CSNK1G2: variants seen among roughly 807,000 people sequenced by gnomAD.
CSNK1G2 encodes the protein casein kinase I isoform gamma-2.
Under a neutral mutation model 48.0 loss-of-function variants are expected in CSNK1G2, and 11 were observed. That is an observed-to-expected ratio of 0.23 (90% CI 0.14 to 0.38). The LOEUF (loss-of-function observed/expected upper bound fraction) is 0.38. CSNK1G2 is among the 10% of genes least tolerant of loss of function. The pLI is 1.00. For synonymous variants in CSNK1G2, 337 were observed against 254.1 expected, an observed-to-expected ratio of 1.33 and a Z score of -3.10; for missense variants, 446 against 595.5, an observed-to-expected ratio of 0.75 and a Z score of 2.61.
chr19:1,944,305 T>C (rs1316805394), intron 1 of CSNK1G2, among the ~76,000 whole-genome samples: 1 of 152,042 alleles, frequency 6.6e-6, no homozygotes, highest in Non-Finnish European at 1.5e-5. Flanking sequence ...AGGCCTGCAG[T>C]CTGGAGGCTC....
At chr19:1,948,986 C>T (rs2014669829) in intron 1 of CSNK1G2, among the ~76,000 whole-genome samples, 2 of 152,156 alleles carry the variant, frequency 1.3e-5, no homozygotes, top group African/African-American at 2.4e-5. Flanking sequence ...AGCCTCTGTC[C>T]TCGTCGTGTT....
At position 1,969,583 on chromosome 19, in the gene CSNK1G2, A is replaced by C; in HGVS notation, c.-190A>C. ...TGCCCCCGAGAGCGACCCCGAGGCC[A>C]CTGAGAAGAGCAGCGCGGCCTGGCC... is the stretch of plus-strand genomic sequence containing the variant. On this transcript the variant is annotated 5_prime_UTR_variant, in exon 2 of 12. Coordinates refer to ENST00000255641, the MANE Select transcript of CSNK1G2 (RefSeq NM_001319.7). The C allele has an allele frequency of 9.4e-6, 4 of 426,506 alleles. No individual in the cohort carries two copies. Among genetic ancestry groups the C allele is most frequent in the Non-Finnish European group, 1.6e-5 (4 of 245,736 alleles). The allele number at this position is 426,506 out of a possible 1,614,324, so 26.4% of individuals were successfully genotyped here.
intron 1 of CSNK1G2, among the ~76,000 whole-genome samples, chr19:1,943,583 TG>T (rs34775051): frequency 5.3e-5 from 8 of 151,592 alleles, no homozygotes; most frequent in Non-Finnish European, 1.0e-4. Flanking sequence ...ATTTGGGGAT[TG>T]GGGTAGTCCT....
chr19:1,952,964 G>A (rs746358052), intron 1 of CSNK1G2: 8 of 436,568 alleles, frequency 1.8e-5, no homozygotes, highest in Admixed American at 1.1e-4. Flanking sequence ...GCTCCCACAC[G>A]ATGAGGGGAA....
chr19:1,969,642 C>A lies in CSNK1G2; in HGVS notation c.-131C>A. The stretch of plus-strand genomic sequence containing the variant: ...CGCCTGCGTCTCAGTAGCTGGGAGC[C>A]ACGGGCCCACGCCCGCCCACCGGCC... On this transcript the variant is annotated 5_prime_UTR_variant, in exon 2 of 12. Transcript: ENST00000255641. 1 of 799,004 alleles carries A rather than the reference C, an allele frequency of 1.3e-6. No individual in the cohort carries two copies. The highest frequency in any genetic ancestry group is 1.7e-6 in the Non-Finnish European group (1 of 581,254). 49.5% of individuals were successfully genotyped at this position (799,004 alleles called of 1,614,324 possible).
At chr19:1,950,973 AG>A (rs1250913649) in intron 1 of CSNK1G2, among the ~76,000 whole-genome samples, 1 of 146,116 alleles carries the variant, frequency 6.8e-6, no homozygotes, top group Non-Finnish European at 1.5e-5. Flanking sequence ...CCCAGTTTTC[AG>A]GGGAGACCAT....
At position 1,962,755 on chromosome 19, in the gene CSNK1G2, G is replaced by A. The variant is rs1160821866; in HGVS notation, c.-265-6753G>A. Among the ~76,000 whole-genome samples, 3 of 151,100 alleles carry A rather than the reference G, an allele frequency of 2.0e-5. No individual in the cohort carries two copies. The East Asian group carries it at 5.8e-4, about 29-fold the overall frequency. On this transcript the variant is annotated intron_variant, in intron 1 of 11. Coordinates refer to ENST00000255641, the MANE Select transcript of CSNK1G2 (RefSeq NM_001319.7). The stretch of plus-strand genomic sequence containing the variant: ...AGGTGGAGGACGACTCGGTGCAGCA[G>A]CCACTGTGGAGACGACCTGGTGGCT...
At chr19:1,974,342 G>A (rs1027358224) in intron 2 of CSNK1G2, among the ~76,000 whole-genome samples, 8 of 152,144 alleles carry the variant, frequency 5.3e-5, no homozygotes, top group African/African-American at 1.9e-4. Context: ...GGAGGGGGCT[G>A]GATTCGCCCT....
rs1360001500 is a variant in CSNK1G2, at chr19:1,980,421, G to C, written c.*218G>C. On this transcript the variant is annotated 3_prime_UTR_variant, in exon 12 of 12. Transcript: ENST00000255641. The stretch of plus-strand genomic sequence containing the variant: ...GACTTTGGCCGAAATTTCTACACCT[G>C]TGTCTAGTCCTCCCCTCCAAGAGCA... 6 of 627,408 alleles carry C rather than the reference G, an allele frequency of 9.6e-6. No individual in the cohort carries two copies. Among genetic ancestry groups the C allele is most frequent in the Non-Finnish European group, 1.7e-5 (6 of 352,300 alleles). The allele number at this position is 627,408 out of a possible 1,614,324, so 38.9% of individuals were successfully genotyped here.
chr19:1,967,196 C>T (rs1302513991), intron 1 of CSNK1G2, among the ~76,000 whole-genome samples: 2 of 152,228 alleles, frequency 1.3e-5, no homozygotes, highest in African/African-American at 4.8e-5. Context: ...GTGTTTCTGG[C>T]ACCGGAACGC....
chr19:1,978,762 G>T lies in CSNK1G2; in HGVS notation c.447+12G>T. 2 of 1,552,532 alleles carry T rather than the reference G, an allele frequency of 1.3e-6. No individual in the cohort carries two copies. Among genetic ancestry groups the T allele is most frequent in the Non-Finnish European group, 1.7e-6 (2 of 1,145,452 alleles). The stretch of plus-strand genomic sequence containing the variant: ...TCGCCATCCAGCTGGTGCGCGGCGG[G>T]CGGGGCGGGGCGGGGCTCGGAGGGA... On this transcript the variant is annotated intron_variant, in intron 5 of 11. Transcript: ENST00000255641. This position sits in a 1 kb window ranked among gnomAD's most constrained non-coding sequence, Gnocchi z 7.3.
rs972101674 is a variant in CSNK1G2, at chr19:1,981,240, C to G, written c.*1037C>G. ...GGCTGTGAGTCTAGTTTTTGCTTTA[C>G]CAAGTGTACAGAAATGGCATTTACG... On this transcript the variant is annotated 3_prime_UTR_variant, in exon 12 of 12. Transcript: ENST00000255641. The G allele has an allele frequency of 6.6e-6, 1 of 152,210 alleles. No individual in the cohort carries two copies. Among genetic ancestry groups the G allele is most frequent in the African/African-American group, 2.4e-5 (1 of 41,440 alleles). 9.4% of individuals were successfully genotyped at this position (152,210 alleles called of 1,614,324 possible). A position where few individuals can be genotyped will look rare whatever the true frequency, so the allele number is the denominator to read the frequency against.
chr19:1,953,895 A>C (rs1256930819), intron 1 of CSNK1G2: 1 of 533,962 alleles, frequency 1.9e-6, no homozygotes, highest in East Asian at 5.5e-5. Context: ...CTGCGTTCTC[A>C]GAGGCCGGCT....
chr19:1,943,523 G>T (rs1369870258), intron 1 of CSNK1G2, among the ~76,000 whole-genome samples: 1 of 152,102 alleles, frequency 6.6e-6, no homozygotes, highest in Admixed American at 6.5e-5. Context: ...TTAATTGAAA[G>T]TTCCTGTTGC....
chr19:1,944,477 G>T (rs1340485085), intron 1 of CSNK1G2, among the ~76,000 whole-genome samples: 1 of 152,178 alleles, frequency 6.6e-6, no homozygotes, highest in African/African-American at 2.4e-5. Context: ...GGTGTTTCCC[G>T]AGGGCTGACT....
intron 1 of CSNK1G2, chr19:1,954,104 G>C (rs528759372): frequency 4.3e-6 from 2 of 469,094 alleles, no homozygotes; most frequent in South Asian, 3.1e-5. Context: ...GATTTGTGGG[G>C]TGTTTCTCTT....
At chr19:1,977,826 T>C (rs1188961507) in intron 2 of CSNK1G2, among the ~76,000 whole-genome samples, 5 of 151,000 alleles carry the variant, frequency 3.3e-5, no homozygotes, top group East Asian at 1.9e-4. Flanking sequence ...GGAAGTCCTA[T>C]GTGGCTGGTG....
At chr19:1,946,812 T>A (rs988914570) in intron 1 of CSNK1G2, among the ~76,000 whole-genome samples, 1 of 142,626 alleles carries the variant, frequency 7.0e-6, no homozygotes, top group East Asian at 2.2e-4. Context: ...GGGGTTTCAC[T>A]GTGTTAGCCA....
At chr19:1,952,940 G>T in intron 1 of CSNK1G2, 1 of 443,566 alleles carries the variant, frequency 2.3e-6, no homozygotes, top group Non-Finnish European at 4.4e-6. Context: ...ACCGGGGCGG[G>T]ATGTCGCCCG....
Sources: gnomAD v4.1 joint callset for allele counts (sites outside exome capture counted in the v4.1 genomes callset) on GRCh38, gnomAD v4.1.1 for gene constraint, Gnocchi (gnomAD v3.1) non-coding constraint, MANE v1.5 for transcripts, NCBI Gene and HGNC (gene_info 2026-07-23, HGNC 2026-07-21) for gene names.